POTEJ: variants seen among roughly 807,000 people sequenced by gnomAD.
POTEJ encodes the protein POTE ankyrin domain family, member J.
In POTEJ, 11 loss-of-function variants were observed where a neutral mutation model predicts 69.0. The observed-to-expected ratio is 0.16, with a 90% CI of 0.10 to 0.26. The LOEUF (loss-of-function observed/expected upper bound fraction) is 0.26. Among genes scored for constraint, POTEJ ranks in the 10% least tolerant of loss-of-function variants. The pLI, the probability that POTEJ is intolerant of heterozygous loss-of-function variation, is 1.00. For missense variants in POTEJ, 327 were observed against 1,045.5 expected (o/e 0.31, Z 9.48); for synonymous variants, 117 against 381.1 (o/e 0.31, Z 8.07).
intron 5 of POTEJ, chr2:130,622,785 G>A: frequency 6.6e-6 from 1 of 151,790 alleles, no homozygotes; most frequent in Admixed American, 6.6e-5. Context: ...GGACTTAACA[G>A]AGCCAAGCCT....
At chr2:130,624,451 A>T (rs1483943202) in intron 6 of POTEJ, among the ~76,000 whole-genome samples, 1 of 149,298 alleles carries the variant, frequency 6.7e-6, no homozygotes, top group Non-Finnish European at 1.5e-5. Flanking sequence ...CATACGAAGC[A>T]CACAACCTAG....
At chr2:130,612,741 A>C (rs1350185166) in intron 1 of POTEJ, among the ~76,000 whole-genome samples, 6 of 132,402 alleles carry the variant, frequency 4.5e-5, no homozygotes, top group South Asian at 2.4e-4. Context: ...CCAGCCTGGG[A>C]GACAGAGCGA....
At chr2:130,650,068 G>A (rs1195539447) in intron 13 of POTEJ, among the ~76,000 whole-genome samples, 7 of 152,270 alleles carry the variant, frequency 4.6e-5, no homozygotes, top group Non-Finnish European at 7.3e-5. Context: ...ATCAGGACAC[G>A]TCAGGCTTCA....
intron 6 of POTEJ, among the ~76,000 whole-genome samples, chr2:130,626,904 G>C (rs1403685990): frequency 6.6e-6 from 1 of 152,124 alleles, no homozygotes; most frequent in Non-Finnish European, 1.5e-5. Context: ...TTAATAGTTG[G>C]CAGGCTTTTT....
rs1285046833 is a variant in POTEJ, at chr2:130,624,073, G to A, written c.954G>A (p.Gln318=). 1.5e-6 allele frequency: 2 copies of A among 1,338,384 alleles called. No homozygotes were observed. The highest frequency in any genetic ancestry group is 1.3e-5 in the South Asian group (1 of 76,038). 82.9% of individuals were successfully genotyped at this position (1,338,384 alleles called of 1,614,324 possible). The change falls in exon 6 of 15, where the codon CAG becomes CAA. Residue 318 remains glutamine (Q), a synonymous_variant. Transcript: ENST00000409602. ...ACATTTTTATACATAGAATTTGCCA[G>A]TTACTTTCTGACTACAAAGAAAAAC... is the stretch of plus-strand genomic sequence containing the variant. ...AVSSHHHVIC[Q]LLSDYKEKQM...
chr2:130,642,628 G>A (rs1409776573), intron 10 of POTEJ, among the ~76,000 whole-genome samples: 6 of 150,824 alleles, frequency 4.0e-5, no homozygotes, highest in South Asian at 2.1e-4. Context: ...GATAGGACCC[G>A]GGACCACTTT....
intron 6 of POTEJ, among the ~76,000 whole-genome samples, chr2:130,625,836 CT>C (rs1685685755): frequency 7.4e-6 from 1 of 135,380 alleles, no homozygotes; most frequent in Non-Finnish European, 1.6e-5. Flanking sequence ...ATGAGTAGGT[CT>C]TATCCTGTGT....
chr2:130,615,341 T>G (rs1245524242), intron 1 of POTEJ, among the ~76,000 whole-genome samples: 1 of 92,490 alleles, frequency 1.1e-5, no homozygotes, highest in Admixed American at 1.2e-4. Flanking sequence ...TTTTGAAAAT[T>G]TATGTCTTGG....
chr2:130,622,688 C>G (rs1334050709), intron 5 of POTEJ: 3 of 143,188 alleles, frequency 2.1e-5, no homozygotes, highest in Non-Finnish European at 4.6e-5. Context: ...CTACTTCCAT[C>G]TCTAGCTCAA....
Position 130,657,050 on chromosome 2 carries a change from C to G in POTEJ, c.2290C>G (p.His764Asp), listed in dbSNP as rs1458087660. 6.3e-7 allele frequency: 1 copy of G among 1,581,556 alleles called. No individual in the cohort carries two copies. Among genetic ancestry groups the G allele is most frequent in the East Asian group, 2.2e-5 (1 of 44,874 alleles). Residue 764 changes from histidine (H) to aspartate (D), a missense_variant, in exon 15 of 15, where the codon CAC (histidine) becomes GAC (aspartate). By Grantham distance (81) the His-to-Asp change is moderately conservative. Transcript: ENST00000409602. ...YNELRVAPEE[H>D]PILLTEAPLN... is the part of the protein sequence containing the mutation. Reference sequence around the variant, plus strand: ...CGAGCTGCGTGTGGCCCCCGAGGAGCACCCCATCCTGCTGACCGAGGCCCC... The same window carrying G: ...CGAGCTGCGTGTGGCCCCCGAGGAGGACCCCATCCTGCTGACCGAGGCCCC...
At position 130,657,526 on chromosome 2, in the gene POTEJ, G is replaced by T; in HGVS notation, c.2766G>T (p.Glu922Asp). 6.4e-7 allele frequency: 1 copy of T among 1,567,322 alleles called. No individual in the cohort carries two copies. Among genetic ancestry groups the T allele is most frequent in the South Asian group, 1.1e-5 (1 of 90,392 alleles). The change falls in exon 15 of 15, where the codon GAG (glutamate) becomes GAT (aspartate). Residue 922 changes from glutamate (E) to aspartate (D), a missense_variant. Transcript: ENST00000409602. The part of the protein sequence containing the change: ...TISNEWFRCP[E>D]ALFQPCFLGM... ...GCAACGAGTGGTTCCGCTGCCCCGA[G>T]GCGCTCTTCCAGCCTTGCTTCCTGG...
chr2:130,625,382 T>A (rs1685666738), intron 6 of POTEJ, among the ~76,000 whole-genome samples: 1 of 151,922 alleles, frequency 6.6e-6, no homozygotes, highest in Non-Finnish European at 1.5e-5. Context: ...GAGCTTTTTG[T>A]TATCATTGTC....
At chr2:130,611,096 C>G (rs1203806423), upstream of POTEJ, among the ~76,000 whole-genome samples, 2 of 150,196 alleles carry the variant, frequency 1.3e-5, no homozygotes, top group South Asian at 4.2e-4. Flanking sequence ...ATGCTGCACG[C>G]GGGTAACTGC....
intron 1 of POTEJ, among the ~76,000 whole-genome samples, chr2:130,612,835 CAA>C (rs1173832729): frequency 1.4e-5 from 2 of 139,840 alleles, no homozygotes; most frequent in African/African-American, 5.4e-5. Context: ...ATAAAAATAG[CAA>C]AGTTTTAGCG....
At chr2:130,624,222 A>G (rs1293211566) in intron 6 of POTEJ, 88 bp downstream of exon 6, 1 of 804,862 alleles carries the variant, frequency 1.2e-6, no homozygotes, top group Non-Finnish European at 1.9e-6. Context: ...CAATTTTTCC[A>G]TGGGCTGGGG....
intron 13 of POTEJ, among the ~76,000 whole-genome samples, chr2:130,650,021 A>G (rs1285959266): frequency 6.6e-6 from 1 of 152,262 alleles, no homozygotes; most frequent in Admixed American, 6.5e-5. Flanking sequence ...AAAAAGAGAG[A>G]TAATGAGGAC....
chr2:130,634,102 A>G (rs1686004076), intron 9 of POTEJ, among the ~76,000 whole-genome samples: 1 of 152,206 alleles, frequency 6.6e-6, no homozygotes, highest in Non-Finnish European at 1.5e-5. Flanking sequence ...CTGTAAAGTG[A>G]ATAAGCATGG....
intron 13 of POTEJ, among the ~76,000 whole-genome samples, chr2:130,648,027 G>T (rs540516609): frequency 6.8e-6 from 1 of 147,304 alleles, no homozygotes; most frequent in Non-Finnish European, 1.5e-5. Flanking sequence ...CCTGTTAATA[G>T]AACTCAGTAT....
chr2:130,624,775 A>G (rs1368814725), intron 6 of POTEJ, among the ~76,000 whole-genome samples: 1 of 152,066 alleles, frequency 6.6e-6, no homozygotes, highest in African/African-American at 2.4e-5. Flanking sequence ...GTCATGTTAC[A>G]TATGCTTGTC....
Sources: gnomAD v4.1 joint callset for allele counts (sites outside exome capture counted in the v4.1 genomes callset) on GRCh38, gnomAD v4.1.1 for gene constraint, MANE v1.5 for transcripts, NCBI Gene and HGNC (gene_info 2026-07-23, HGNC 2026-07-21) for gene names.